The following CIT variants were observed in gnomAD, a reference collection of about 807,000 sequenced individuals.
CIT encodes the protein citron rho-interacting serine/threonine kinase.
A neutral mutation model predicts 272.7 loss-of-function variants in CIT; 79 were observed. The ratio of observed to expected loss-of-function variants is 0.29; its 90% CI spans 0.24 to 0.35. CIT has a LOEUF of 0.35. CIT is among the 10% of genes least tolerant of loss of function. CIT has a pLI of 1.00. For missense variants in CIT, 1,909 were observed against 2,618.3 expected (o/e 0.73, Z 5.91); for synonymous variants, 948 against 995.6 (o/e 0.95, Z 0.90).
intron 19 of CIT, among the ~76,000 whole-genome samples, chr12:119,766,877 A>G (rs1020289075): frequency 7.2e-6 from 1 of 139,408 alleles, no homozygotes; most frequent in African/African-American, 2.8e-5. Context: ...GACCACATTT[A>G]AAAAAAAAAA....
Position 119,697,158 on chromosome 12 carries a change from C to G in CIT, c.5882+501G>C, listed in dbSNP as rs1203061094. The stretch of plus-strand genomic sequence containing the variant: ...CACCCCTCACTGGTCTCCCTGCCCC[C>G]ACCTCGTATCTGATGGGAAATCCTC... On this transcript the variant is annotated intron_variant, in intron 46 of 47. Transcript: ENST00000392521. The surrounding 1 kb of genome is among the most constrained non-coding windows in gnomAD (Gnocchi z 4.9). 6.6e-6 allele frequency among the ~76,000 whole-genome samples: 1 copy of G among 152,106 alleles called. No homozygotes were observed. The highest frequency in any genetic ancestry group is 2.1e-4 in the South Asian group (1 of 4,812).
chr12:119,830,024 CA>C (rs1968498569), intron 7 of CIT, among the ~76,000 whole-genome samples: 1 of 151,278 alleles, frequency 6.6e-6, no homozygotes, highest in Admixed American at 6.6e-5. Context: ...GGCCTACAGA[CA>C]TTTCATTTAA....
chr12:119,826,807 C>T (rs1027757608), intron 7 of CIT, among the ~76,000 whole-genome samples: 5 of 152,166 alleles, frequency 3.3e-5, no homozygotes, highest in Non-Finnish European at 7.3e-5. Flanking sequence ...AGTCCACATA[C>T]CTTGAAGGCT....
In CIT at chr12:119,784,444, C is replaced by T; in HGVS notation, c.1402-393G>A. 2 of 1,207,154 alleles carry T rather than the reference C, an allele frequency of 1.7e-6. No individual in the cohort carries two copies. The highest frequency in any genetic ancestry group is 1.6e-5 in the African/African-American group (1 of 63,334). 74.8% of individuals were successfully genotyped at this position (1,207,154 alleles called of 1,614,324 possible). On this transcript the variant is annotated intron_variant, in intron 11 of 47. Transcript: ENST00000392521. This position sits in a 1 kb window ranked among gnomAD's most constrained non-coding sequence, Gnocchi z 4.7. Reference sequence around the variant, plus strand: ...AAAGATCTAGAGGACAAATCCAGGACAGGGCAAGGAGATATTTATTCGTCT... The same window carrying T: ...AAAGATCTAGAGGACAAATCCAGGATAGGGCAAGGAGATATTTATTCGTCT...
At chr12:119,778,081 A>C (rs1593706565) in intron 13 of CIT, among the ~76,000 whole-genome samples, 1 of 152,202 alleles carries the variant, frequency 6.6e-6, no homozygotes, top group African/African-American at 2.4e-5. Context: ...CCTGCAATGC[A>C]AGTCACCCTG....
chr12:119,792,895 G>C (rs75613711), intron 10 of CIT, among the ~76,000 whole-genome samples: 4,550 of 152,142 alleles, frequency 0.03, 107 homozygotes, highest in Non-Finnish European at 0.051. Flanking sequence ...CTGGGAGGCG[G>C]AGGTTGTCTT....
At chr12:119,826,279 C>A (rs893770040) in intron 7 of CIT, among the ~76,000 whole-genome samples, 2 of 152,124 alleles carry the variant, frequency 1.3e-5, no homozygotes, top group African/African-American at 2.4e-5. Context: ...TTCCCTCCCC[C>A]ACCGTTCAGA....
At chr12:119,783,302 ATG>A (rs1964474478) in intron 12 of CIT, 1 of 152,270 alleles carries the variant, frequency 6.6e-6, no homozygotes. Flanking sequence ...AACTTTAGAA[ATG>A]TGTGATTCAA....
At chr12:119,722,506 C>T (rs778449387) in intron 28 of CIT, among the ~76,000 whole-genome samples, 1 of 152,170 alleles carries the variant, frequency 6.6e-6, no homozygotes, top group Non-Finnish European at 1.5e-5. Context: ...GTTTTTCTTT[C>T]CATTTATATT....
Position 119,688,224 on chromosome 12 carries a change from G to A in CIT, c.*8C>T, listed in dbSNP as rs1955687179. 1 of 1,613,406 alleles carries A rather than the reference G, an allele frequency of 6.2e-7. No individual in the cohort carries two copies. On this transcript the variant is annotated 3_prime_UTR_variant, in exon 48 of 48. Transcript: ENST00000392521. ...TCAAGATGAGGAGTTGGTTTTTCTG[G>A]CTGAGATTTATACTGAAGACTGGTC...
intron 23 of CIT, among the ~76,000 whole-genome samples, chr12:119,748,863 G>T (rs1224771322): frequency 2.0e-5 from 3 of 152,206 alleles, no homozygotes; most frequent in African/African-American, 7.2e-5. Flanking sequence ...CCTCTTGCCT[G>T]GTGGTCCTCT....
intron 32 of CIT, among the ~76,000 whole-genome samples, chr12:119,717,710 C>CA (rs1051173747): frequency 6.6e-6 from 1 of 151,976 alleles, no homozygotes; most frequent in Non-Finnish European, 1.5e-5. Flanking sequence ...CGTGAGCCAC[C>CA]ATGCCCAGCC....
chr12:119,718,680 GGA>G lies in CIT; in HGVS notation c.4003+17_4003+18del, dbSNP rs750122694. ...CCTTTTCCACATCCTTGAGCATTTT[GGA>G]GAGAGTGAGCCCCTACCTTCCTCCC... On this transcript the variant is annotated intron_variant, in intron 31 of 47. Transcript: ENST00000392521. The surrounding 1 kb of genome is among the most constrained non-coding windows in gnomAD (Gnocchi z 4.8). 2.2e-5 allele frequency: 35 copies of G among 1,612,406 alleles called. No homozygotes were observed. The South Asian group carries it at 3.8e-4, about 18-fold the overall frequency.
intron 2 of CIT, among the ~76,000 whole-genome samples, chr12:119,870,780 G>A (rs1015292500): frequency 3.9e-5 from 6 of 152,084 alleles, no homozygotes; most frequent in Admixed American, 3.3e-4. Context: ...GGTTGCAACA[G>A]AGACTACAGG....
intron 7 of CIT, among the ~76,000 whole-genome samples, chr12:119,829,348 AG>A (rs1726916861): frequency 2.2e-5 from 1 of 44,584 alleles, no homozygotes; most frequent in Non-Finnish European, 6.0e-5. Flanking sequence ...AAAGAAAAGA[AG>A]AGAAGAGAAG....
chr12:119,751,438 C>T (rs1960248968), intron 23 of CIT, among the ~76,000 whole-genome samples: 1 of 151,686 alleles, frequency 6.6e-6, no homozygotes, highest in Non-Finnish European at 1.5e-5. Flanking sequence ...GTAACACCCC[C>T]GCTCCAAGTT....
intron 16 of CIT, among the ~76,000 whole-genome samples, chr12:119,774,389 G>T (rs1963524563): frequency 6.6e-6 from 1 of 152,054 alleles, no homozygotes. Flanking sequence ...AATGCCAAAG[G>T]TACGTCCCAC....
intron 17 of CIT, among the ~76,000 whole-genome samples, chr12:119,771,506 A>T (rs1412941161): frequency 6.6e-6 from 1 of 152,146 alleles, no homozygotes; most frequent in Non-Finnish European, 1.5e-5. Context: ...ACAGCACAGC[A>T]CATGTTAAGG....
intron 2 of CIT, among the ~76,000 whole-genome samples, chr12:119,873,018 G>A (rs562912429): frequency 1.5e-4 from 23 of 152,112 alleles, no homozygotes; most frequent in Non-Finnish European, 2.4e-4. Context: ...GGCTAGTCTT[G>A]AACTCTTGGA....
Sources: gnomAD v4.1 joint callset for allele counts (sites outside exome capture counted in the v4.1 genomes callset) on GRCh38, gnomAD v4.1.1 for gene constraint, Gnocchi (gnomAD v3.1) non-coding constraint, MANE v1.5 for transcripts, NCBI Gene and HGNC (gene_info 2026-07-23, HGNC 2026-07-21) for gene names.